The following ELOA variants were observed in gnomAD, a reference collection of about 807,000 sequenced individuals.
ELOA encodes elongin A.
Under a neutral mutation model 85.2 loss-of-function variants are expected in ELOA, and 15 were observed. The ratio of observed to expected loss-of-function variants is 0.18; its 90% confidence interval spans 0.12 to 0.27. The LOEUF (loss-of-function observed/expected upper bound fraction) is 0.27, where lower values mean the gene tolerates loss of function less well. Among genes scored for constraint, ELOA ranks in the 10% least tolerant of loss-of-function variants. The pLI is 1.00. For synonymous variants in ELOA, 348 were observed against 357.2 expected (o/e 0.97, Z 0.29); for missense variants, 769 against 952.7 (o/e 0.81, Z 2.54).
At position 23,759,618 on chromosome 1, in the gene ELOA, C is replaced by T. The variant is rs770060742; in HGVS notation, c.*45C>T. ...AATGGAATCTGGGGAGGCAGGAATA[C>T]AAGGACAGTGGGGGTTGGGGAATGG... On this transcript the variant is annotated 3_prime_UTR_variant, in exon 11 of 11. Coordinates refer to ENST00000613537, the MANE Select transcript of ELOA (RefSeq NM_003198.3). 1.9e-6 allele frequency: 3 copies of T among 1,597,664 alleles called. No individual in the cohort carries two copies. Among genetic ancestry groups the T allele is most frequent in the East Asian group, 2.2e-5 (1 of 44,802 alleles).
At position 23,744,447 on chromosome 1, in the gene ELOA, A is replaced by AT. The variant is rs546539133; in HGVS notation, c.75+880dup. On this transcript the variant is annotated intron_variant, in intron 1 of 10. Coordinates refer to ENST00000613537, the MANE Select transcript of ELOA (RefSeq NM_003198.3). ...AGGAGACAGTCTGGTGGTTGTCAGG[A>AT]TTTTTTTTTTTCTTTTTTTTTTTTG... 1.2e-3 allele frequency among the ~76,000 whole-genome samples: 163 copies of AT among 139,404 alleles called. 2 individuals are homozygous for AT. In the East Asian group the frequency reaches 0.018, roughly 15 times the overall value. The allele number at this position is 139,404 out of a possible 152,430, so 91.5% of individuals were successfully genotyped here.
At chr1:23,748,181 A>G (rs1338527166) in intron 1 of ELOA, among the ~76,000 whole-genome samples, 3 of 152,222 alleles carry the variant, frequency 2.0e-5, no homozygotes, top group Admixed American at 1.3e-4. Flanking sequence ...TCTAGACACT[A>G]TGACTAAGGA....
In ELOA at chr1:23,750,847, A is replaced by C. The variant is rs752568593; in HGVS notation, c.242A>C (p.Asn81Thr). The C allele has an allele frequency of 1.9e-6, 3 of 1,561,748 alleles. No homozygotes were observed. The highest frequency in any genetic ancestry group is 1.7e-6 in the Non-Finnish European group (2 of 1,159,188). ...GTCTGCTTTTTCTTTTATTTTAGAA[A>C]TGCTGAGCCTGATGAACAGGACTTT... ...QWKKLVPVER[N>T]AEPDEQDFEK... is the part of the protein sequence containing the mutation. The change falls in exon 4 of 11, where the codon AAT (asparagine) becomes ACT (threonine). Residue 81 changes from asparagine (N) to threonine (T), a missense_variant and splice_region_variant. Asn to Thr is a moderately conservative substitution (Grantham distance 65). Coordinates refer to ENST00000613537, the MANE Select transcript of ELOA (RefSeq NM_003198.3).
At chr1:23,750,743 TA>T in intron 3 of ELOA, 101 bp from the exon 4 acceptor site, 1 of 1,161,216 alleles carries the variant, frequency 8.6e-7, no homozygotes, top group Non-Finnish European at 1.2e-6. Flanking sequence ...TTGTTGTTTC[TA>T]ACTCTGCATC....
At position 23,758,259 on chromosome 1, in the gene ELOA, ATTTTTTTTTTTTTTT is replaced by A. The variant is rs1162019928; in HGVS notation, c.2257+1151_2257+1165del. ...ATTGGGTCTTCCAATTTATTTATTT[ATTTTTTTTTTTTTTT>A]TTTTTTTTTTTTTTTTGGAGACAGA... is the stretch of plus-strand genomic sequence containing the variant. On this transcript the variant is annotated intron_variant, in intron 10 of 10. Transcript: ENST00000613537. 2.7e-3 allele frequency among the ~76,000 whole-genome samples: 112 copies of A among 41,960 alleles called. 3 individuals carry two copies. The highest frequency in any genetic ancestry group is 0.01 in the African/African-American group (108 of 10,362). The allele number at this position is 41,960 out of a possible 152,430, so 27.5% of individuals were successfully genotyped here.
intron 1 of ELOA, among the ~76,000 whole-genome samples, chr1:23,747,046 C>T (rs952488583): frequency 1.3e-5 from 2 of 152,134 alleles, no homozygotes; most frequent in Non-Finnish European, 2.9e-5. Context: ...AGCAGAAAGA[C>T]AGGATTTGTT....
intron 7 of ELOA, among the ~76,000 whole-genome samples, chr1:23,754,729 T>C (rs1424046004): frequency 6.6e-6 from 1 of 152,134 alleles, no homozygotes; most frequent in African/African-American, 2.4e-5. Context: ...TGCCTAGTCA[T>C]GAAGGTAAAG....
chr1:23,756,321 C>T lies in ELOA; in HGVS notation c.2020C>T (p.Arg674Cys), dbSNP rs1644794523. ...TGTCAACTCTGTGGCCAAGCCACCT[C>T]GTGACGTCCGGAGGAGGCAGGAAAA... Reference protein sequence around the residue: ...AFVNSVAKPPRDVRRRQEKFG... With the variant: ...AFVNSVAKPPCDVRRRQEKFG... The change falls in exon 9 of 11, where the codon CGT becomes TGT. Residue 674 changes from arginine (R) to cysteine (C), a missense_variant. Coordinates refer to ENST00000613537, the MANE Select transcript of ELOA (RefSeq NM_003198.3). 2 of 1,579,122 alleles carry T rather than the reference C, an allele frequency of 1.3e-6. No homozygotes were observed. Among genetic ancestry groups the T allele is most frequent in the African/African-American group, 1.3e-5 (1 of 74,502 alleles).
At chr1:23,744,209 A>G (rs1434479246) in intron 1 of ELOA, 1 of 152,250 alleles carries the variant, frequency 6.6e-6, no homozygotes, top group Non-Finnish European at 1.5e-5. Context: ...GGAATTGAAA[A>G]AGAGGCGGGG....
intron 10 of ELOA, 23 bp downstream of exon 10, chr1:23,757,148 T>G: frequency 6.6e-7 from 1 of 1,519,026 alleles, no homozygotes; most frequent in South Asian, 1.3e-5. Flanking sequence ...GAGTTCCTGC[T>G]CAAATATTAT....
At chr1:23,755,740 ACT>A in intron 7 of ELOA, 101 bp from the exon 8 acceptor site, 1 of 1,194,934 alleles carries the variant, frequency 8.4e-7, no homozygotes, top group Non-Finnish European at 1.1e-6. Context: ...AAATTGCACC[ACT>A]GCACTGCAGT....
Position 23,760,726 on chromosome 1 carries a change from A to G in ELOA, c.*1153A>G, listed in dbSNP as rs563679523. 1.3e-5 allele frequency: 2 copies of G among 152,332 alleles called. No individual in the cohort carries two copies. Among genetic ancestry groups the G allele is most frequent in the East Asian group, 3.9e-4 (2 of 5,188 alleles). 9.4% of individuals were successfully genotyped at this position (152,332 alleles called of 1,614,324 possible). A position where few individuals can be genotyped will look rare whatever the true frequency, so the allele number is the denominator to read the frequency against. On this transcript the variant is annotated 3_prime_UTR_variant, in exon 11 of 11. Coordinates refer to ENST00000613537, the MANE Select transcript of ELOA (RefSeq NM_003198.3). Reference sequence around the variant, plus strand: ...GTTTTCTACCTTCTGAGTGTGTTTAAGGCAGGATTTGGAGGGAAGGACCAG... The same window carrying G: ...GTTTTCTACCTTCTGAGTGTGTTTAGGGCAGGATTTGGAGGGAAGGACCAG...
intron 1 of ELOA, among the ~76,000 whole-genome samples, chr1:23,744,799 A>G (rs981332319): frequency 3.3e-5 from 5 of 152,144 alleles, no homozygotes; most frequent in African/African-American, 1.2e-4. Flanking sequence ...GTCCTGGTGG[A>G]AAAGGAAGTC....
intron 10 of ELOA, among the ~76,000 whole-genome samples, chr1:23,758,247 ATTTATTTATTTATTTTTTTTTTTT>A (rs1166385341): frequency 3.9e-4 from 22 of 56,786 alleles, no homozygotes; most frequent in African/African-American, 1.3e-3. Context: ...GGGTCTTCCA[ATTTATTTATTTATTTTTTTTTTTT>A]TTTTTTTTTT....
intron 10 of ELOA, 131 bp from the exon 11 acceptor site, chr1:23,759,381 T>C (rs1386672406): frequency 6.1e-6 from 5 of 816,036 alleles, no homozygotes; most frequent in Non-Finnish European, 1.0e-5. Flanking sequence ...ACAGAGGAGA[T>C]AGTTACTACT....
rs772440540 is a variant in ELOA at position 23,743,503 on chromosome 1, G to A, written c.-1G>A. 6.6e-7 allele frequency: 1 copy of A among 1,505,676 alleles called. No individual in the cohort carries two copies. Among genetic ancestry groups the A allele is most frequent in the Non-Finnish European group, 8.8e-7 (1 of 1,132,634 alleles). The allele number at this position is 1,505,676 out of a possible 1,614,324, so 93.3% of individuals were successfully genotyped here. ...GCGAGGAGGCCGCGCCAGTGACAGC[G>A]ATGGCGGCGGAGTCGGCGCTCCAAG... On this transcript the variant is annotated 5_prime_UTR_variant, in exon 1 of 11. Transcript: ENST00000613537.
rs147665180 is a variant in ELOA, at chr1:23,756,981, A to G, written c.2113A>G (p.Ser705Gly). Residue 705 changes from serine (S) to glycine (G), a missense_variant, in exon 10 of 11, where the codon AGC becomes GGC. This residue lies in a region of ELOA where 116 missense variants were observed against 141.0 expected (regional missense o/e 0.82). Transcript: ENST00000613537. ...CAAGCCAGCCCCGTACCCCATGGGA[A>G]GCAGCCATGCTTCCGCCAGTAGCAT... ...KIKPAPYPMGSSHASASSISF... is the reference protein window; with the variant it reads ...KIKPAPYPMGGSHASASSISF... 1.5e-4 allele frequency: 231 copies of G among 1,573,268 alleles called. 2 individuals are homozygous for G. The African/African-American group carries it at 2.8e-3, about 19-fold the overall frequency.
rs59935745 is a variant in ELOA, at chr1:23,747,235, G to A, written c.76-1786G>A. On this transcript the variant is annotated intron_variant, in intron 1 of 10. Transcript: ENST00000613537. Reference sequence around the variant, plus strand: ...GAGGAGTTTTTCTGCTTTCTTGCAAGTATGCTAAGAAGTATATGTGCTGCC... The same window carrying A: ...GAGGAGTTTTTCTGCTTTCTTGCAAATATGCTAAGAAGTATATGTGCTGCC... Among the ~76,000 whole-genome samples the A allele has an allele frequency of 8.8e-3, 1,335 of 152,314 alleles. 20 individuals carry two copies. Among genetic ancestry groups the A allele is most frequent in the African/African-American group, 0.031 (1,277 of 41,540 alleles).
intron 9 of ELOA, 80 bp from the exon 10 acceptor site, chr1:23,756,873 A>C: frequency 7.2e-7 from 1 of 1,384,216 alleles, no homozygotes; most frequent in Non-Finnish European, 9.5e-7. Context: ...AGTCATCCTC[A>C]CACAGGCCAG....
Sources: gnomAD v4.1 joint callset for allele counts (sites outside exome capture counted in the v4.1 genomes callset) on GRCh38, gnomAD v4.1.1 for gene constraint, gnomAD v4.1.1 regional missense constraint, MANE v1.5 for transcripts, NCBI Gene and HGNC (gene_info 2026-07-23, HGNC 2026-07-21) for gene names.